The following CFAP36 variants were observed in gnomAD, a reference collection of about 807,000 sequenced individuals.
The protein encoded by CFAP36 is cilia and flagella associated protein 36.
In CFAP36, 37 loss-of-function variants were observed where a neutral mutation model predicts 50.5. The ratio of observed to expected loss-of-function variants is 0.73; its 90% confidence interval spans 0.56 to 0.96. The LOEUF is 0.96. Ranked by LOEUF, CFAP36 falls within the 50% of genes least tolerant of loss-of-function variation. The pLI, the probability that CFAP36 is intolerant of heterozygous loss-of-function variation, is 0.00. For missense variants in CFAP36, 407 were observed against 396.2 expected (o/e 1.03, Z -0.23); for synonymous variants, 138 against 128.2 (o/e 1.08, Z -0.52).
chr2:55,536,343 G>C (rs183413220), intron 6 of CFAP36, among the ~76,000 whole-genome samples: 1 of 152,082 alleles, frequency 6.6e-6, no homozygotes, highest in Non-Finnish European at 1.5e-5. Flanking sequence ...ACGTTGATCA[G>C]GCTGGTCTTA....
At chr2:55,524,291 C>G (rs1684144933) in intron 3 of CFAP36, among the ~76,000 whole-genome samples, 1 of 152,200 alleles carries the variant, frequency 6.6e-6, no homozygotes, top group East Asian at 1.9e-4. Flanking sequence ...GGGTCTCACT[C>G]TATTGCTCAG....
chr2:55,523,862 C>A, intron 3 of CFAP36, 40 bp downstream of exon 3: 2 of 1,322,390 alleles, frequency 1.5e-6, no homozygotes, highest in Non-Finnish European at 2.1e-6. Context: ...ACAGTTTTAA[C>A]AAATGCCCAG....
At chr2:55,531,516 GA>G (rs1684349624) in intron 4 of CFAP36, among the ~76,000 whole-genome samples, 1 of 152,150 alleles carries the variant, frequency 6.6e-6, no homozygotes, top group African/African-American at 2.4e-5. Flanking sequence ...ACAGGTTCGG[GA>G]TTGGTTAATT....
intron 4 of CFAP36, 42 bp downstream of exon 4, chr2:55,529,034 T>C: frequency 2.2e-6 from 3 of 1,368,158 alleles, no homozygotes; most frequent in Non-Finnish European, 3.1e-6. Context: ...AAATGCATTT[T>C]TTTTTACAGT....
At chr2:55,544,519 A>C (rs921481305) in intron 9 of CFAP36, 150 bp downstream of exon 9, 21 of 712,662 alleles carry the variant, frequency 2.9e-5, no homozygotes, top group Non-Finnish European at 4.5e-5. Flanking sequence ...AGTCTTTTCT[A>C]GGAAGTGAAA....
rs754366142 is a variant in CFAP36 at position 55,519,844 on chromosome 2, A to T, written c.43A>T (p.Ser15Cys). The T allele has an allele frequency of 6.2e-7, 1 of 1,614,084 alleles. No homozygotes were observed. Among genetic ancestry groups the T allele is most frequent in the African/African-American group, 1.3e-5 (1 of 74,924 alleles). Reference sequence around the variant, plus strand: ...AGACGAGGTGGAGTGGGTAGTGGAGAGCATCGCGGGGTTCCTGCGAGGCCC... The same window carrying T: ...AGACGAGGTGGAGTGGGTAGTGGAGTGCATCGCGGGGTTCCTGCGAGGCCC... The part of the protein sequence containing the change: ...EEDEVEWVVE[S>C]IAGFLRGPDW... Residue 15 changes from serine (S) to cysteine (C), a missense_variant, in exon 1 of 10, where the codon AGC becomes TGC. Transcript: ENST00000349456.
intron 2 of CFAP36, among the ~76,000 whole-genome samples, chr2:55,522,781 G>T (rs1312024657): frequency 6.6e-6 from 1 of 152,086 alleles, no homozygotes; most frequent in African/African-American, 2.4e-5. Context: ...CCACTGCCCA[G>T]CCTGTCTTGT....
At position 55,544,221 on chromosome 2, in the gene CFAP36, A is replaced by G. The variant is rs1684714477; in HGVS notation, c.779A>G (p.Asn260Ser). 1 of 1,612,276 alleles carries G rather than the reference A, an allele frequency of 6.2e-7. No individual in the cohort carries two copies. Among genetic ancestry groups the G allele is most frequent in the East Asian group, 2.2e-5 (1 of 44,868 alleles). ...AGCTCCTTTTCTTACTTGACCCAGA[A>G]CTTATCAGTACTTGGAACAGAAGAA... Reference protein sequence around the residue: ...EHASIEGPIANLSVLGTEELR... With the variant: ...EHASIEGPIASLSVLGTEELR... The change falls in exon 9 of 10, where the codon AAC (asparagine) becomes AGC (serine). Residue 260 changes from asparagine to serine, a missense_variant and splice_region_variant. By Grantham distance (46) the Asn-to-Ser change is conservative. Coordinates refer to ENST00000349456, the MANE Select transcript of CFAP36 (RefSeq NM_080667.7).
At chr2:55,521,264 C>T (rs1161598735) in intron 1 of CFAP36, among the ~76,000 whole-genome samples, 1 of 138,474 alleles carries the variant, frequency 7.2e-6, no homozygotes, top group Non-Finnish European at 1.5e-5. Flanking sequence ...AGTGCAGTGG[C>T]GTGATCTTGG....
intron 7 of CFAP36, chr2:55,538,958 G>T: frequency 7.2e-7 from 1 of 1,398,530 alleles, no homozygotes. Context: ...TCTTTAATAT[G>T]CCTAATTTAA....
At chr2:55,523,185 C>T (rs1292083792) in intron 2 of CFAP36, among the ~76,000 whole-genome samples, 14 of 149,436 alleles carry the variant, frequency 9.4e-5, no homozygotes, top group Non-Finnish European at 1.8e-4. Context: ...CCAGGGCAGG[C>T]GGATCACCTG....
Position 55,544,282 on chromosome 2 carries a change from A to G in CFAP36, c.840A>G (p.Arg280=). 6.2e-7 allele frequency: 1 copy of G among 1,614,014 alleles called. No homozygotes were observed. The highest frequency in any genetic ancestry group is 8.5e-7 in the Non-Finnish European group (1 of 1,179,948). Residue 280 remains arginine (R), a synonymous_variant, in exon 9 of 10, where the codon AGA becomes AGG. Coordinates refer to ENST00000349456, the MANE Select transcript of CFAP36 (RefSeq NM_080667.7). ...GAGAACACTATCTCAAGCAGAAGAG[A>G]GATAAGTTGATGTCCATGAGAAAGG... ...RQREHYLKQK[R]DKLMSMRKDM...
At chr2:55,535,320 TTTATCAAGAGGGGTATAATGGCTC>T (rs1684452120) in intron 5 of CFAP36, among the ~76,000 whole-genome samples, 1 of 152,168 alleles carries the variant, frequency 6.6e-6, no homozygotes, top group African/African-American at 2.4e-5. Context: ...ACAATGACAT[TTTATCAAGAGGGGTATAATGGCTC>T]TTATCAAGAG....
chr2:55,528,635 T>C (rs1425996461), intron 3 of CFAP36, among the ~76,000 whole-genome samples: 3 of 152,082 alleles, frequency 2.0e-5, no homozygotes, highest in Admixed American at 6.6e-5. Flanking sequence ...ACCTCAAGTG[T>C]TCTGCCTGCC....
chr2:55,534,448 C>T (rs1036359825), intron 5 of CFAP36, among the ~76,000 whole-genome samples: 7 of 152,300 alleles, frequency 4.6e-5, no homozygotes, highest in East Asian at 1.9e-4. Context: ...AGTATCTTGC[C>T]GGTCTCCTTG....
chr2:55,523,099 A>C (rs1417703901), intron 2 of CFAP36, among the ~76,000 whole-genome samples: 2 of 147,866 alleles, frequency 1.4e-5, no homozygotes, highest in Non-Finnish European at 3.0e-5. Flanking sequence ...CTCTGTCTCA[A>C]AAAAAAAAAA....
chr2:55,519,742 G>A lies in CFAP36; in HGVS notation c.-60G>A, dbSNP rs540461610. 6.4e-6 allele frequency: 10 copies of A among 1,563,724 alleles called. No homozygotes were observed. The African/African-American group carries it at 1.2e-4, about 19-fold the overall frequency. On this transcript the variant is annotated 5_prime_UTR_variant, in exon 1 of 10. Transcript: ENST00000349456. ...CCTCTCGGCTCCTTGTGGCCCAAAG[G>A]CCTAACCGGGGTCCGGCGGTCTGGC... is the stretch of plus-strand genomic sequence containing the variant.
At chr2:55,519,991 C>G (rs1428680428) in intron 1 of CFAP36, 75 bp downstream of exon 1, 1 of 1,354,872 alleles carries the variant, frequency 7.4e-7, no homozygotes, top group African/African-American at 1.4e-5. Flanking sequence ...TTGGTAACCA[C>G]AAGCCATCTC....
At chr2:55,529,217 C>G (rs535744089) in intron 4 of CFAP36, among the ~76,000 whole-genome samples, 1 of 151,796 alleles carries the variant, frequency 6.6e-6, no homozygotes, top group Admixed American at 6.6e-5. Context: ...GTCAGGAGAT[C>G]GAGACCATCC....
Sources: gnomAD v4.1 joint callset for allele counts (sites outside exome capture counted in the v4.1 genomes callset) on GRCh38, gnomAD v4.1.1 for gene constraint, MANE v1.5 for transcripts, NCBI Gene and HGNC (gene_info 2026-07-23, HGNC 2026-07-21) for gene names.